The following MALRD1 variants were observed in gnomAD, a reference collection of about 807,000 sequenced individuals.
The protein encoded by MALRD1 is MAM and LDL receptor class A domain containing 1, also known as MAM and LDL-receptor class A domain-containing protein 1.
MALRD1 carries 247 observed loss-of-function variants against 242.1 expected under a neutral mutation model. That is an observed-to-expected ratio of 1.02 (90% CI 0.92 to 1.13). MALRD1 has a LOEUF of 1.13. Among genes scored for constraint, MALRD1 ranks in the 50% most tolerant of loss-of-function variants. The pLI is 0.00. For synonymous variants in MALRD1, 995 were observed against 866.6 expected, an observed-to-expected ratio of 1.15 and a Z score of -2.60; for missense variants, 2,989 against 2,533.1, an observed-to-expected ratio of 1.18 and a Z score of -3.86.
At chr10:19,460,070 G>A (rs1835862146) in intron 29 of MALRD1, among the ~76,000 whole-genome samples, 1 of 151,948 alleles carries the variant, frequency 6.6e-6, no homozygotes, top group African/African-American at 2.4e-5. Flanking sequence ...TAGAGTTTTT[G>A]TGATGATATG....
intron 18 of MALRD1, among the ~76,000 whole-genome samples, chr10:19,233,327 C>T (rs1169063404): frequency 6.6e-6 from 1 of 152,118 alleles, no homozygotes; most frequent in Non-Finnish European, 1.5e-5. Flanking sequence ...CATGATGAAA[C>T]CCCATCTCTA....
intron 33 of MALRD1, among the ~76,000 whole-genome samples, chr10:19,579,934 G>C (rs1837024479): frequency 6.6e-6 from 1 of 152,200 alleles, no homozygotes; most frequent in Non-Finnish European, 1.5e-5. Context: ...ATATGAGCTA[G>C]AGCTATCAGT....
intron 33 of MALRD1, among the ~76,000 whole-genome samples, chr10:19,580,923 T>G (rs536484482): frequency 6.6e-6 from 1 of 152,238 alleles, no homozygotes. Flanking sequence ...CTCTGAGTCT[T>G]TAGTCAAATA....
intron 34 of MALRD1, among the ~76,000 whole-genome samples, chr10:19,597,155 A>C (rs760275973): frequency 6.6e-6 from 1 of 152,204 alleles, no homozygotes; most frequent in Non-Finnish European, 1.5e-5. Flanking sequence ...CAGGTCTTCT[A>C]ATCTTTTCTT....
intron 21 of MALRD1, among the ~76,000 whole-genome samples, chr10:19,306,073 T>C (rs1171776160): frequency 1.9e-5 from 2 of 105,986 alleles, no homozygotes; most frequent in African/African-American, 3.5e-5. Flanking sequence ...ATACTATATA[T>C]ACTATATACT....
chr10:19,702,581 TTTAAGA>T (rs1207704739), intron 38 of MALRD1, among the ~76,000 whole-genome samples: 2 of 152,230 alleles, frequency 1.3e-5, no homozygotes, highest in East Asian at 3.8e-4. Context: ...CTAGAATTTA[TTTAAGA>T]TTATCTAATT....
At chr10:19,614,779 C>G (rs746871977) in intron 35 of MALRD1, among the ~76,000 whole-genome samples, 51 of 151,910 alleles carry the variant, frequency 3.4e-4, no homozygotes, top group Admixed American at 2.7e-3. Flanking sequence ...ATAGGAGGAC[C>G]AGGGACGAAC....
chr10:19,334,126 T>TTG (rs1314072628), intron 24 of MALRD1, among the ~76,000 whole-genome samples: 10 of 146,810 alleles, frequency 6.8e-5, no homozygotes, highest in African/African-American at 2.0e-4. Flanking sequence ...TAGGTTTTTT[T>TTG]TTTTTTTTTT....
At chr10:19,417,810 ATTC>A (rs1156270852) in intron 28 of MALRD1, among the ~76,000 whole-genome samples, 2 of 152,168 alleles carry the variant, frequency 1.3e-5, no homozygotes, top group Admixed American at 6.5e-5. Context: ...AAAGATCTCA[ATTC>A]TCAGTGAGCT....
At chr10:19,495,856 G>A (rs553397181) in intron 30 of MALRD1, among the ~76,000 whole-genome samples, 1 of 152,244 alleles carries the variant, frequency 6.6e-6, no homozygotes, top group Non-Finnish European at 1.5e-5. Flanking sequence ...ACACCCGTAG[G>A]CTCAAAATAA....
chr10:19,169,739 A>C (rs1477648813), intron 13 of MALRD1, among the ~76,000 whole-genome samples: 1 of 152,234 alleles, frequency 6.6e-6, no homozygotes, highest in Non-Finnish European at 1.5e-5. Flanking sequence ...TATTCTACCT[A>C]CAAATAGTTA....
chr10:19,348,105 C>G (rs1242144773), intron 25 of MALRD1, 87 bp downstream of exon 25: 5 of 1,440,358 alleles, frequency 3.5e-6, no homozygotes, highest in Non-Finnish European at 4.6e-6. Flanking sequence ...AACAGAGTGG[C>G]TGGGGCCAGA....
chr10:19,580,261 C>T (rs930736695), intron 33 of MALRD1, among the ~76,000 whole-genome samples: 15 of 152,260 alleles, frequency 9.9e-5, no homozygotes, highest in African/African-American at 3.6e-4. Context: ...AGTGGTATCA[C>T]TATTTTTGGT....
At chr10:19,178,811 G>A (rs1835370507) in intron 14 of MALRD1, among the ~76,000 whole-genome samples, 1 of 152,104 alleles carries the variant, frequency 6.6e-6, no homozygotes, top group Non-Finnish European at 1.5e-5. Context: ...GTGCCCAAAG[G>A]GAGCACATGA....
At chr10:19,376,233 A>G (rs775930233) in intron 26 of MALRD1, among the ~76,000 whole-genome samples, 16 of 152,224 alleles carry the variant, frequency 1.1e-4, no homozygotes, top group Non-Finnish European at 2.2e-4. Context: ...GCGTCTTCAA[A>G]TTATAACTGT....
chr10:19,404,327 G>A (rs549671518), intron 28 of MALRD1, among the ~76,000 whole-genome samples: 2 of 152,032 alleles, frequency 1.3e-5, no homozygotes, highest in South Asian at 4.1e-4. Flanking sequence ...ATTTTAAGCA[G>A]ATATCTCCGT....
intron 28 of MALRD1, among the ~76,000 whole-genome samples, chr10:19,429,568 T>C (rs1415018150): frequency 6.6e-6 from 1 of 151,824 alleles, no homozygotes; most frequent in Non-Finnish European, 1.5e-5. Context: ...CATCTCAAAA[T>C]AAAACAAAAC....
chr10:19,605,813 C>G (rs902244160), intron 34 of MALRD1, among the ~76,000 whole-genome samples: 7 of 151,960 alleles, frequency 4.6e-5, no homozygotes, highest in Non-Finnish European at 1.0e-4. Flanking sequence ...GTTTATCACT[C>G]CTGTATTGTT....
intron 18 of MALRD1, among the ~76,000 whole-genome samples, chr10:19,246,346 G>T (rs572076929): frequency 5.3e-5 from 8 of 151,926 alleles, no homozygotes; most frequent in Non-Finnish European, 1.0e-4. Context: ...TTACTTTCTG[G>T]GGATACTGTC....
Sources: gnomAD v4.1 joint callset for allele counts (sites outside exome capture counted in the v4.1 genomes callset) on GRCh38, gnomAD v4.1.1 for gene constraint, MANE v1.5 for transcripts, NCBI Gene and HGNC (gene_info 2026-07-23, HGNC 2026-07-21) for gene names.